Variants in DOCK9 observed in about 807,000 individuals in gnomAD.
DOCK9 encodes dedicator of cytokinesis protein 9.
Under a neutral mutation model 263.3 loss-of-function variants are expected in DOCK9, and 89 were observed. That is an observed-to-expected ratio of 0.34 (90% CI 0.28 to 0.40). DOCK9 has a LOEUF of 0.40. Among genes scored for constraint, DOCK9 ranks in the 10% least tolerant of loss-of-function variants. The pLI, the probability that DOCK9 is intolerant of heterozygous loss-of-function variation, is 1.00. For missense variants in DOCK9, 2,140 were observed against 2,603.4 expected, an observed-to-expected ratio of 0.82 and a Z score of 3.87; for synonymous variants, 976 against 973.1, an observed-to-expected ratio of 1.00 and a Z score of -0.06.
chr13:98,800,311 G>A lies in DOCK9; in HGVS notation c.5893C>T (p.Leu1965Phe). 6.2e-7 allele frequency: 1 copy of A among 1,607,716 alleles called. No individual in the cohort carries two copies. Among genetic ancestry groups the A allele is most frequent in the Non-Finnish European group, 8.5e-7 (1 of 1,177,112 alleles). The change falls in exon 50 of 53, where the codon CTC becomes TTC. Residue 1965 changes from leucine to phenylalanine, a missense_variant. By Grantham distance (22) the Leu-to-Phe change is conservative (BLOSUM62 0). This residue lies in a region of DOCK9 where 619 missense variants were observed against 861.8 expected (regional missense o/e 0.72). Transcript: ENST00000682017. ...EVDMIKLQLKLQGSVSVQVNA... is the reference protein window; with the variant it reads ...EVDMIKLQLKFQGSVSVQVNA... ...ACCTGAACACTCACGCTGCCCTGGA[G>A]TTTGAGCTGCAGTTTGATCATGTCC...
chr13:98,859,668 G>GAGAA (rs2093798635), intron 33 of DOCK9: 1 of 151,868 alleles, frequency 6.6e-6, no homozygotes, highest in South Asian at 2.1e-4. Context: ...TAAAGACAGG[G>GAGAA]AGAAATAAAG....
intron 13 of DOCK9, 25 bp downstream of exon 13, chr13:98,901,753 C>T: frequency 6.2e-7 from 1 of 1,608,290 alleles, no homozygotes; most frequent in Non-Finnish European, 8.5e-7. Flanking sequence ...TTTTTACCAC[C>T]CCAAAGCGTA....
In DOCK9 at chr13:98,977,802, C is replaced by T. The variant is rs1428449371; in HGVS notation, c.108G>A (p.Glu36=). ...KDAAQGEVEA[E]SPGPVPAKPK... is the part of the protein sequence containing the mutation. ...CTCTTACCGGCACAGGGCCCGGGCT[C>T]TCTGCTTCCACTTCGCCCTGAGCTG... The change falls in exon 1 of 53, where the codon GAG becomes GAA. Residue 36 remains glutamate, a synonymous_variant. Coordinates refer to ENST00000682017, the MANE Select transcript of DOCK9 (RefSeq NM_001366683.2). 2 of 1,611,856 alleles carry T rather than the reference C, an allele frequency of 1.2e-6. No homozygotes were observed. Among genetic ancestry groups the T allele is most frequent in the South Asian group, 1.1e-5 (1 of 90,370 alleles).
intron 47 of DOCK9, chr13:98,809,022 A>G: frequency 1.4e-6 from 2 of 1,403,866 alleles, no homozygotes; most frequent in South Asian, 1.5e-5. Flanking sequence ...GGAGTTTGTA[A>G]TAACTAGACA....
At chr13:99,080,273 G>A (rs2042075555) in intron 1 of DOCK9, among the ~76,000 whole-genome samples, 1 of 148,634 alleles carries the variant, frequency 6.7e-6, no homozygotes, top group African/African-American at 2.5e-5. Context: ...ACACACACAG[G>A]CCTGTTACTG....
At position 98,925,361 on chromosome 13, in the gene DOCK9, G is replaced by A. The variant is rs373231375; in HGVS notation, c.416+476C>T. On this transcript the variant is annotated intron_variant, in intron 4 of 52. Transcript: ENST00000682017. ...TTGCTTTTGGTATAGTCTAGAATAA[G>A]TTAATACATTAAAGGAGATAAAAAA... Among the ~76,000 whole-genome samples the A allele has an allele frequency of 3.0e-4, 41 of 135,336 alleles. No individual in the cohort carries two copies. In the South Asian group the frequency reaches 0.011, roughly 36 times the overall value. 88.8% of individuals were successfully genotyped at this position (135,336 alleles called of 152,430 possible).
intron 45 of DOCK9, among the ~76,000 whole-genome samples, chr13:98,820,332 C>T (rs764249010): frequency 6.6e-6 from 1 of 152,102 alleles, no homozygotes; most frequent in Non-Finnish European, 1.5e-5. Flanking sequence ...AACAGCAAAC[C>T]GCCAACAAAA....
intron 1 of DOCK9, among the ~76,000 whole-genome samples, chr13:99,073,499 T>C (rs1201539362): frequency 6.6e-6 from 1 of 152,026 alleles, no homozygotes; most frequent in African/African-American, 2.4e-5. Context: ...CAAGAACCCA[T>C]GGCTGGTAAC....
intron 8 of DOCK9, among the ~76,000 whole-genome samples, chr13:98,915,055 G>A (rs1301764851): frequency 6.6e-6 from 1 of 152,162 alleles, no homozygotes; most frequent in Non-Finnish European, 1.5e-5. Flanking sequence ...GGGCTACACA[G>A]CTGAAATACA....
At chr13:99,038,220 C>A (rs1256977262) in intron 1 of DOCK9, among the ~76,000 whole-genome samples, 1 of 143,182 alleles carries the variant, frequency 7.0e-6, no homozygotes, top group African/African-American at 2.6e-5. Flanking sequence ...CTAAAGTTAT[C>A]AAAATATCCT....
intron 1 of DOCK9, among the ~76,000 whole-genome samples, chr13:99,017,078 G>A (rs1681961188): frequency 6.6e-6 from 1 of 152,150 alleles, no homozygotes; most frequent in Non-Finnish European, 1.5e-5. Flanking sequence ...TCTGATAGCT[G>A]TACAAGATCA....
intron 11 of DOCK9, 78 bp from the exon 12 acceptor site, chr13:98,902,569 A>G (rs527731523): frequency 1.8e-5 from 25 of 1,395,000 alleles, no homozygotes; most frequent in Non-Finnish European, 2.3e-5. Context: ...AAGAGAAATG[A>G]CAAGACCTAT....
intron 38 of DOCK9, 73 bp downstream of exon 38, chr13:98,845,851 T>A: frequency 5.8e-6 from 9 of 1,559,708 alleles, no homozygotes; most frequent in Non-Finnish European, 7.0e-6. Context: ...GTGGTAGGTG[T>A]GGCCTAGGGC....
intron 7 of DOCK9, among the ~76,000 whole-genome samples, chr13:98,916,007 C>T (rs2050830703): frequency 6.6e-6 from 1 of 152,164 alleles, no homozygotes; most frequent in African/African-American, 2.4e-5. Flanking sequence ...TTATCTGGAA[C>T]TTTCCCATCC....
At chr13:98,853,844 T>G (rs2093634925) in intron 34 of DOCK9, among the ~76,000 whole-genome samples, 1 of 152,132 alleles carries the variant, frequency 6.6e-6, no homozygotes, top group Non-Finnish European at 1.5e-5. Flanking sequence ...TATTGAAACC[T>G]CATGCAAGAA....
chr13:98,881,809 C>G, intron 24 of DOCK9, 83 bp downstream of exon 24: 1 of 1,324,856 alleles, frequency 7.5e-7, no homozygotes, highest in Admixed American at 2.0e-5. Context: ...GTTCAGCACA[C>G]AGTAGCATCC....
chr13:98,794,851 TAC>T, intron 52 of DOCK9, 103 bp from the exon 53 acceptor site: 3 of 1,362,712 alleles, frequency 2.2e-6, no homozygotes. Flanking sequence ...AACAAAATGT[TAC>T]AGAGTTTAAG....
chr13:98,907,184 T>C (rs1169648115), intron 9 of DOCK9, among the ~76,000 whole-genome samples: 1 of 152,206 alleles, frequency 6.6e-6, no homozygotes, highest in African/African-American at 2.4e-5. Flanking sequence ...TGCTTTACAT[T>C]GTATACTGCC....
chr13:98,885,261 T>C, intron 20 of DOCK9, 169 bp from the exon 21 acceptor site: 1 of 928,690 alleles, frequency 1.1e-6, no homozygotes, highest in Non-Finnish European at 1.6e-6. Flanking sequence ...GTCTACAATG[T>C]ACTTAGGCCT....
Sources: gnomAD v4.1 joint callset for allele counts (sites outside exome capture counted in the v4.1 genomes callset) on GRCh38, gnomAD v4.1.1 for gene constraint, gnomAD v4.1.1 regional missense constraint, MANE v1.5 for transcripts, NCBI Gene and HGNC (gene_info 2026-07-23, HGNC 2026-07-21) for gene names.